CMSS1: variants seen among roughly 807,000 people sequenced by gnomAD.
CMSS1 encodes the protein cms1 ribosomal small subunit homolog, also known as protein CMSS1.
Under a neutral mutation model 43.5 loss-of-function variants are expected in CMSS1, and 33 were observed. The observed-to-expected ratio is 0.76, with a 90% CI of 0.57 to 1.01. The LOEUF (loss-of-function observed/expected upper bound fraction) is 1.01, where lower values mean the gene tolerates loss of function less well. CMSS1 is among the 50% of genes least tolerant of loss of function. CMSS1 has a pLI of 0.00. For missense variants in CMSS1, 313 were observed against 326.4 expected (o/e 0.96, Z 0.32); for synonymous variants, 115 against 117.2 (o/e 0.98, Z 0.12).
chr3:99,937,213 C>T (rs1243210226), intron 1 of CMSS1, among the ~76,000 whole-genome samples: 2 of 152,154 alleles, frequency 1.3e-5, no homozygotes, highest in African/African-American at 4.8e-5. Flanking sequence ...GCTGGGATTA[C>T]AGGTATGAGC....
chr3:99,932,704 A>G (rs750782538), intron 1 of CMSS1, among the ~76,000 whole-genome samples: 6 of 152,226 alleles, frequency 3.9e-5, no homozygotes, highest in Non-Finnish European at 8.8e-5. Flanking sequence ...AGCCTGGCCA[A>G]CATGGCGAAA....
intron 2 of CMSS1, among the ~76,000 whole-genome samples, chr3:100,147,979 G>A (rs1000143520): frequency 3.3e-5 from 5 of 152,094 alleles, no homozygotes; most frequent in Non-Finnish European, 7.4e-5. Flanking sequence ...AAACCTGATT[G>A]GTATTTAGTT....
intron 1 of CMSS1, among the ~76,000 whole-genome samples, chr3:100,021,296 G>A (rs556875963): frequency 1.3e-5 from 2 of 152,284 alleles, no homozygotes; most frequent in South Asian, 2.1e-4. Context: ...CTTCTTTGGA[G>A]TTGTTAAAAA....
chr3:99,842,528 T>A (rs1372179607), intron 1 of CMSS1, among the ~76,000 whole-genome samples: 1 of 148,778 alleles, frequency 6.7e-6, no homozygotes, highest in Non-Finnish European at 1.5e-5. Context: ...AAAGATGGTC[T>A]CAGGTAACCC....
chr3:100,000,249 CTTTTTGTAGG>C (rs1336124044), intron 1 of CMSS1, among the ~76,000 whole-genome samples: 5 of 152,212 alleles, frequency 3.3e-5, no homozygotes, highest in African/African-American at 1.2e-4. Context: ...GGTGACCTTG[CTTTTTGTAGG>C]AAAAAAGTCA....
At chr3:99,959,365 G>C (rs1288634296) in intron 1 of CMSS1, among the ~76,000 whole-genome samples, 1 of 152,166 alleles carries the variant, frequency 6.6e-6, no homozygotes, top group Non-Finnish European at 1.5e-5. Context: ...GGCCAGGCTG[G>C]TCTCGAACTC....
intron 1 of CMSS1, among the ~76,000 whole-genome samples, chr3:99,988,745 C>T (rs1393595041): frequency 6.6e-6 from 1 of 152,154 alleles, no homozygotes; most frequent in Non-Finnish European, 1.5e-5. Context: ...TGGATTGCCT[C>T]TATAACTTTT....
intron 1 of CMSS1, among the ~76,000 whole-genome samples, chr3:100,145,468 A>G (rs944838590): frequency 3.3e-5 from 5 of 152,066 alleles, no homozygotes; most frequent in Non-Finnish European, 7.4e-5. Flanking sequence ...AAGTATACAT[A>G]TTAGTCAGGG....
At chr3:99,907,846 C>T (rs1706670517) in intron 1 of CMSS1, among the ~76,000 whole-genome samples, 1 of 152,322 alleles carries the variant, frequency 6.6e-6, no homozygotes, top group East Asian at 1.9e-4. Context: ...AATCAGTGAT[C>T]ACCTCTTTTT....
At chr3:99,852,891 T>G (rs892796588) in intron 1 of CMSS1, among the ~76,000 whole-genome samples, 1 of 152,270 alleles carries the variant, frequency 6.6e-6, no homozygotes, top group African/African-American at 2.4e-5. Context: ...ATAAGAATTC[T>G]GCATCTTTTT....
chr3:100,053,449 T>C (rs534194544), intron 1 of CMSS1, among the ~76,000 whole-genome samples: 1 of 152,332 alleles, frequency 6.6e-6, no homozygotes, highest in African/African-American at 2.4e-5. Flanking sequence ...TGTCTTTACA[T>C]AGTTGTCTTC....
chr3:99,843,744 G>A (rs976686253), intron 1 of CMSS1, among the ~76,000 whole-genome samples: 4 of 152,088 alleles, frequency 2.6e-5, no homozygotes, highest in Non-Finnish European at 2.9e-5. Context: ...TAAACCCTGG[G>A]CCACGGACTG....
intron 1 of CMSS1, among the ~76,000 whole-genome samples, chr3:100,036,509 T>C (rs1362897034): frequency 6.6e-6 from 1 of 152,236 alleles, no homozygotes; most frequent in Non-Finnish European, 1.5e-5. Flanking sequence ...ATGAGTTTGT[T>C]CATGGTGATA....
At chr3:99,852,204 G>A (rs1192507947) in intron 1 of CMSS1, among the ~76,000 whole-genome samples, 2 of 152,160 alleles carry the variant, frequency 1.3e-5, no homozygotes, top group Admixed American at 6.5e-5. Context: ...TGTAATTACA[G>A]CTTTGCAGTA....
intron 1 of CMSS1, among the ~76,000 whole-genome samples, chr3:100,066,268 T>C (rs994947441): frequency 3.9e-5 from 6 of 152,222 alleles, no homozygotes. Flanking sequence ...TTTTATTATT[T>C]TAATGAGAGT....
At chr3:99,929,725 T>C in intron 1 of CMSS1, 1 of 577,204 alleles carries the variant, frequency 1.7e-6, no homozygotes, top group Non-Finnish European at 2.8e-6. Context: ...CGTATTTATC[T>C]GTTTTGTGTA....
intron 1 of CMSS1, among the ~76,000 whole-genome samples, chr3:99,825,187 G>A (rs61498368): frequency 0.015 from 2,258 of 152,290 alleles, 55 homozygotes; most frequent in African/African-American, 0.052. Context: ...ACAGAGGATC[G>A]ACTTCTGGGC....
At chr3:99,940,289 A>G (rs944192177) in intron 1 of CMSS1, among the ~76,000 whole-genome samples, 21 of 152,250 alleles carry the variant, frequency 1.4e-4, no homozygotes, top group African/African-American at 5.1e-4. Context: ...TAAATGCCAC[A>G]CTTCCAACCC....
At chr3:99,835,606 C>A (rs957264926) in intron 1 of CMSS1, among the ~76,000 whole-genome samples, 2 of 152,124 alleles carry the variant, frequency 1.3e-5, no homozygotes, top group Non-Finnish European at 2.9e-5. Flanking sequence ...ATTAATAGGT[C>A]TGGGAATGTG....
Sources: gnomAD v4.1 joint callset for allele counts (sites outside exome capture counted in the v4.1 genomes callset) on GRCh38, gnomAD v4.1.1 for gene constraint, MANE v1.5 for transcripts, NCBI Gene and HGNC (gene_info 2026-07-23, HGNC 2026-07-21) for gene names.